Variants in YWHAE observed in about 807,000 individuals in gnomAD.
YWHAE encodes the protein tyrosine 3-monooxygenase/tryptophan 5-monooxygenase activation protein epsilon, also known as 14-3-3 protein epsilon.
A neutral mutation model predicts 30.1 loss-of-function variants in YWHAE; 4 were observed. The observed-to-expected ratio is 0.13, with a 90% CI of 0.07 to 0.30. The LOEUF (loss-of-function observed/expected upper bound fraction) is 0.30. YWHAE is among the 10% of genes least tolerant of loss of function. YWHAE has a pLI of 1.00. For synonymous variants in YWHAE, 118 were observed against 111.8 expected (o/e 1.06, Z -0.35); for missense variants, 121 against 315.9 (o/e 0.38, Z 4.68).
chr17:1,379,837 G>T (rs2073177863), intron 1 of YWHAE, among the ~76,000 whole-genome samples: 1 of 152,282 alleles, frequency 6.6e-6, no homozygotes, highest in African/African-American at 2.4e-5. Context: ...AAAATGAACA[G>T]GATTAGTTGG....
intron 1 of YWHAE, among the ~76,000 whole-genome samples, chr17:1,368,179 G>A (rs999707344): frequency 2.0e-4 from 31 of 152,228 alleles, no homozygotes; most frequent in Admixed American, 5.9e-4. Flanking sequence ...CTGAGGTCGG[G>A]AGATCGAGAC....
At chr17:1,384,358 T>A (rs1187563055) in intron 1 of YWHAE, among the ~76,000 whole-genome samples, 1 of 151,270 alleles carries the variant, frequency 6.6e-6, no homozygotes, top group East Asian at 2.0e-4. Flanking sequence ...TGGGCAAGAG[T>A]GAGACCACAT....
chr17:1,365,149 CG>C (rs1712445158), intron 1 of YWHAE, 91 bp from the exon 2 acceptor site: 37 of 1,313,720 alleles, frequency 2.8e-5, no homozygotes, highest in Non-Finnish European at 3.7e-5. Flanking sequence ...CAAGCTACTG[CG>C]AAAAAAACAT....
chr17:1,382,933 G>A (rs1021032549), intron 1 of YWHAE, among the ~76,000 whole-genome samples: 1 of 151,826 alleles, frequency 6.6e-6, no homozygotes. Context: ...GCTGGGGAAG[G>A]AGAATTGCTT....
intron 4 of YWHAE, among the ~76,000 whole-genome samples, chr17:1,358,725 G>T (rs2072802604): frequency 6.6e-6 from 1 of 151,454 alleles, no homozygotes; most frequent in Non-Finnish European, 1.5e-5. Flanking sequence ...AGCTACTTGA[G>T]AGGCTGAAGC....
intron 5 of YWHAE, among the ~76,000 whole-genome samples, chr17:1,352,779 C>T (rs993807999): frequency 4.6e-5 from 7 of 152,156 alleles, no homozygotes; most frequent in African/African-American, 1.7e-4. Context: ...CCCGCCATGG[C>T]GTCCCAAAGT....
chr17:1,399,973 C>A, intron 1 of YWHAE, 74 bp downstream of exon 1: 1 of 1,583,184 alleles, frequency 6.3e-7, no homozygotes, highest in Non-Finnish European at 8.7e-7. Context: ...GCCATTTTGT[C>A]TCCTGTTCCC....
At chr17:1,381,576 G>A (rs183437567) in intron 1 of YWHAE, among the ~76,000 whole-genome samples, 7 of 152,110 alleles carry the variant, frequency 4.6e-5, no homozygotes, top group Non-Finnish European at 1.0e-4. Flanking sequence ...CATGTAAAGG[G>A]GGGAGGGGAA....
intron 4 of YWHAE, among the ~76,000 whole-genome samples, chr17:1,357,193 G>C (rs1241630268): frequency 1.3e-5 from 2 of 151,884 alleles, no homozygotes; most frequent in Non-Finnish European, 2.9e-5. Context: ...CACGAGGTCA[G>C]GAGATCGAGA....
chr17:1,368,153 G>A (rs1198962682), intron 1 of YWHAE, among the ~76,000 whole-genome samples: 4 of 152,126 alleles, frequency 2.6e-5, no homozygotes, highest in South Asian at 2.1e-4. Context: ...TTGGGAGGCC[G>A]AGGCAGGCAG....
intron 1 of YWHAE, among the ~76,000 whole-genome samples, chr17:1,388,118 G>GTTT (rs1297503908): frequency 1.9e-4 from 3 of 15,504 alleles, no homozygotes; most frequent in Admixed American, 1.3e-3. Context: ...TTTTTGGTTG[G>GTTT]TTTTTTTTTT....
At chr17:1,348,135 A>G (rs886625996) in intron 5 of YWHAE, 18 of 247,824 alleles carry the variant, frequency 7.3e-5, no homozygotes, top group Non-Finnish European at 1.1e-4. Flanking sequence ...TACTTCGTGT[A>G]AACTTCACTC....
intron 4 of YWHAE, among the ~76,000 whole-genome samples, chr17:1,359,212 TGGAAGGCTCA>T (rs1207483068): frequency 6.6e-6 from 1 of 151,788 alleles, no homozygotes; most frequent in Non-Finnish European, 1.5e-5. Context: ...GACAGCTACT[TGGAAGGCTCA>T]GGTAGGCGAA....
chr17:1,373,366 T>A (rs752741833), intron 1 of YWHAE, among the ~76,000 whole-genome samples: 42 of 151,760 alleles, frequency 2.8e-4, no homozygotes, highest in Non-Finnish European at 4.3e-4. Flanking sequence ...ACCATTAACA[T>A]GTAATGAAAA....
In YWHAE at chr17:1,348,421, A is replaced by G. The variant is rs968602803; in HGVS notation, c.716-2922T>C. Reference sequence around the variant, plus strand: ...CCCTTTAAAGAAATTATGTTCCAACATGCTGGGACAGACATTAACATATTC... The same window carrying G: ...CCCTTTAAAGAAATTATGTTCCAACGTGCTGGGACAGACATTAACATATTC... On this transcript the variant is annotated intron_variant, in intron 5 of 5. Transcript: ENST00000264335. Among the ~76,000 whole-genome samples the G allele has an allele frequency of 5.3e-5, 8 of 152,210 alleles. No homozygotes were observed. In the East Asian group the frequency reaches 7.7e-4, roughly 15 times the overall value.
chr17:1,395,115 G>A (rs1490773071), intron 1 of YWHAE, among the ~76,000 whole-genome samples: 7 of 150,922 alleles, frequency 4.6e-5, no homozygotes, highest in Non-Finnish European at 7.4e-5. Flanking sequence ...CAATCAGGCC[G>A]GGTGTGGTGG....
chr17:1,386,677 C>T (rs918758084), intron 1 of YWHAE, among the ~76,000 whole-genome samples: 7 of 152,204 alleles, frequency 4.6e-5, no homozygotes, highest in East Asian at 1.9e-4. Flanking sequence ...GAGCCAGGCA[C>T]GGTGGCTCAC....
At chr17:1,397,828 T>C (rs995629354) in intron 1 of YWHAE, among the ~76,000 whole-genome samples, 4 of 152,156 alleles carry the variant, frequency 2.6e-5, no homozygotes, top group Admixed American at 1.3e-4. Context: ...CCCTACCTTA[T>C]GCCCCAAGTC....
intron 1 of YWHAE, among the ~76,000 whole-genome samples, chr17:1,383,186 A>T (rs1403818805): frequency 6.6e-6 from 1 of 151,822 alleles, no homozygotes. Context: ...CCCCATCTCT[A>T]CTAAAAATAC....
Sources: allele counts gnomAD v4.1 joint callset (sites outside exome capture counted in the v4.1 genomes callset), GRCh38; gene constraint gnomAD v4.1.1; transcripts MANE v1.5; gene names NCBI Gene and HGNC (gene_info 2026-07-23, HGNC 2026-07-21).